The following CRACR2A variants were observed in gnomAD, a reference collection of about 807,000 sequenced individuals.
The protein encoded by CRACR2A is EF-hand calcium-binding domain-containing protein 4B.
In CRACR2A, 79 loss-of-function variants were observed where a neutral mutation model predicts 90.5. The ratio of observed to expected loss-of-function variants is 0.87; its 90% CI spans 0.73 to 1.05. The LOEUF (loss-of-function observed/expected upper bound fraction) is 1.05. Among genes scored for constraint, CRACR2A ranks in the 50% least tolerant of loss-of-function variants. The pLI, the probability that CRACR2A is intolerant of heterozygous loss-of-function variation, is 0.00. For synonymous variants in CRACR2A, 338 were observed against 356.7 expected (o/e 0.95, Z 0.59); for missense variants, 823 against 897.2 (o/e 0.92, Z 1.06).
At chr12:3,619,437 C>G in intron 17 of CRACR2A, 65 bp from the exon 18 acceptor site, 1 of 1,327,306 alleles carries the variant, frequency 7.5e-7, no homozygotes, top group Non-Finnish European at 1.1e-6. Context: ...GGCAGGCTAA[C>G]AATGCCGGCT....
chr12:3,662,973 CT>C (rs1467859136), intron 7 of CRACR2A, among the ~76,000 whole-genome samples: 15 of 152,342 alleles, frequency 9.8e-5, no homozygotes, highest in Admixed American at 9.8e-4. Context: ...ACTTTGAAGT[CT>C]TCTCTGTGAA....
chr12:3,750,637 T>C (rs1327471975), intron 1 of CRACR2A, among the ~76,000 whole-genome samples: 1 of 152,180 alleles, frequency 6.6e-6, no homozygotes, highest in Non-Finnish European at 1.5e-5. Flanking sequence ...CTCTGTGCAT[T>C]GCAACAAAAT....
At position 3,744,590 on chromosome 12, in the gene CRACR2A, C is replaced by A. The variant is rs972989205; in HGVS notation, c.-387+8425G>T. Among the ~76,000 whole-genome samples, 41 of 152,178 alleles carry A rather than the reference C, an allele frequency of 2.7e-4. 1 individual carries two copies. Among genetic ancestry groups the A allele is most frequent in the African/African-American group, 9.2e-4 (38 of 41,440 alleles). On this transcript the variant is annotated intron_variant, in intron 1 of 19. Transcript: ENST00000440314. ...GGGTGATCATACTACCTTACAGGAC[C>A]CTGGGGAGAAATATGCAAGGTTCTG...
chr12:3,646,689 G>A (rs1944692615), intron 11 of CRACR2A, among the ~76,000 whole-genome samples: 1 of 152,288 alleles, frequency 6.6e-6, no homozygotes, highest in South Asian at 2.1e-4. Flanking sequence ...AGGGATCCTC[G>A]CTCCGCGCGG....
At chr12:3,675,959 G>A (rs1392821233) in intron 6 of CRACR2A, among the ~76,000 whole-genome samples, 1 of 151,986 alleles carries the variant, frequency 6.6e-6, no homozygotes, top group Non-Finnish European at 1.5e-5. Flanking sequence ...CAGAGAAGAG[G>A]ACCACTGAGA....
chr12:3,630,806 A>G (rs2137319517), intron 15 of CRACR2A, among the ~76,000 whole-genome samples: 1 of 152,262 alleles, frequency 6.6e-6, no homozygotes, highest in East Asian at 1.9e-4. Flanking sequence ...GGCAGGCAGG[A>G]CGCCCCAGTC....
intron 11 of CRACR2A, 130 bp from the exon 12 acceptor site, chr12:3,644,770 T>C: frequency 1.3e-6 from 1 of 792,856 alleles, no homozygotes; most frequent in Non-Finnish European, 2.2e-6. Context: ...CTGTGGAATC[T>C]CCTTCCATAG....
chr12:3,619,438 A>C (rs1321576514), intron 17 of CRACR2A, 66 bp from the exon 18 acceptor site: 8 of 1,319,126 alleles, frequency 6.1e-6, no homozygotes, highest in Non-Finnish European at 5.3e-6. Context: ...GCAGGCTAAC[A>C]ATGCCGGCTG....
At chr12:3,710,685 C>T (rs1031561919) in intron 3 of CRACR2A, among the ~76,000 whole-genome samples, 12 of 151,670 alleles carry the variant, frequency 7.9e-5, no homozygotes, top group South Asian at 4.2e-4. Flanking sequence ...CCCAGCTACT[C>T]GGGAGGCTGA....
At chr12:3,692,531 G>A (rs1412323944) in intron 4 of CRACR2A, among the ~76,000 whole-genome samples, 2 of 151,940 alleles carry the variant, frequency 1.3e-5, no homozygotes, top group African/African-American at 4.8e-5. Flanking sequence ...GGGGTTGGGG[G>A]TGAGGTGCTT....
At chr12:3,648,434 G>C (rs1591654410) in intron 11 of CRACR2A, 108 bp downstream of exon 11, 1 of 1,596,212 alleles carries the variant, frequency 6.3e-7, no homozygotes, top group Non-Finnish European at 8.6e-7. Flanking sequence ...CACTCTCTCA[G>C]CAGGCACGTT....
intron 2 of CRACR2A, chr12:3,731,564 C>A (rs1200847423): frequency 6.6e-6 from 1 of 152,300 alleles, no homozygotes; most frequent in Non-Finnish European, 1.5e-5. Context: ...TTCATATTCA[C>A]CCCGGCCCTT....
chr12:3,660,902 C>T (rs1434862611), intron 7 of CRACR2A, among the ~76,000 whole-genome samples: 1 of 147,152 alleles, frequency 6.8e-6, no homozygotes. Context: ...TTGGCCCCTG[C>T]CATTCTAACT....
intron 2 of CRACR2A, among the ~76,000 whole-genome samples, chr12:3,717,513 G>A (rs972919926): frequency 3.9e-5 from 6 of 152,130 alleles, no homozygotes; most frequent in Admixed American, 3.9e-4. Flanking sequence ...CTACCACTGC[G>A]ATCCGGGCTA....
At chr12:3,632,518 C>G (rs893050123) in intron 15 of CRACR2A, among the ~76,000 whole-genome samples, 3 of 152,164 alleles carry the variant, frequency 2.0e-5, no homozygotes, top group Admixed American at 1.3e-4. Context: ...CCTGTCTGCA[C>G]CAACCTCTGC....
intron 12 of CRACR2A, among the ~76,000 whole-genome samples, chr12:3,643,814 TATTTATATTATATATAAATATATATA>T (rs1944622433): frequency 1.0e-5 from 1 of 95,296 alleles, no homozygotes; most frequent in Non-Finnish European, 2.1e-5. Flanking sequence ...ATTATATATA[TATTTATATTATATATAAATATATATA>T]ATATATATTA....
At chr12:3,656,520 TG>T in intron 8 of CRACR2A, 114 bp from the exon 9 acceptor site, 1 of 897,920 alleles carries the variant, frequency 1.1e-6, no homozygotes, top group South Asian at 1.4e-5. Flanking sequence ...TATTAGACCA[TG>T]GGGCTTTTCC....
intron 2 of CRACR2A, among the ~76,000 whole-genome samples, chr12:3,714,902 A>T (rs1946060182): frequency 6.6e-6 from 1 of 152,254 alleles, no homozygotes; most frequent in South Asian, 2.1e-4. Flanking sequence ...TAGAAAATGC[A>T]GTAGAATGCC....
chr12:3,712,527 T>A (rs1946020638), intron 3 of CRACR2A, among the ~76,000 whole-genome samples: 1 of 152,048 alleles, frequency 6.6e-6, no homozygotes, highest in Non-Finnish European at 1.5e-5. Flanking sequence ...AATGACCAGA[T>A]ATCATGAGAA....
Sources: gnomAD v4.1 joint callset for allele counts (sites outside exome capture counted in the v4.1 genomes callset) on GRCh38, gnomAD v4.1.1 for gene constraint, MANE v1.5 for transcripts, NCBI Gene and HGNC (gene_info 2026-07-23, HGNC 2026-07-21) for gene names.